FASTKD3: variants seen among roughly 807,000 people sequenced by gnomAD.
FASTKD3 encodes FAST kinase domain-containing protein 3, mitochondrial.
FASTKD3 carries 47 observed loss-of-function variants against 49.7 expected under a neutral mutation model. The observed-to-expected ratio is 0.95, with a 90% CI of 0.75 to 1.21. The LOEUF (loss-of-function observed/expected upper bound fraction) is 1.21. FASTKD3 is among the 50% of genes most tolerant of loss of function. FASTKD3 has a pLI of 0.00. For missense variants in FASTKD3, 748 were observed against 765.7 expected (o/e 0.98, Z 0.27); for synonymous variants, 284 against 288.6 (o/e 0.98, Z 0.16).
rs1183040382 is a variant in FASTKD3, at chr5:7,863,060, G to C, written c.1525-63C>G. The C allele has an allele frequency of 2.8e-6, 4 of 1,436,256 alleles. No homozygotes were observed. In the African/African-American group the frequency reaches 5.7e-5, roughly 20 times the overall value. The allele number at this position is 1,436,256 out of a possible 1,614,324, so 89.0% of individuals were successfully genotyped here. On this transcript the variant is annotated intron_variant, in intron 3 of 6. Transcript: ENST00000264669. The stretch of plus-strand genomic sequence containing the variant: ...AAGATATAACAACAGAGAATAAATT[G>C]AAGGTTACCTAGGTAGAAAAGTTTG...
At chr5:7,863,037 GAT>G in intron 3 of FASTKD3, 40 bp from the exon 4 acceptor site, 1 of 1,543,298 alleles carries the variant, frequency 6.5e-7, no homozygotes. Flanking sequence ...AGAAAAATAA[GAT>G]ATAACAACAG....
rs1746370439 is a variant in FASTKD3 at position 7,859,372 on chromosome 5, C to A, written c.*63G>T. Reference sequence around the variant, plus strand: ...AGTGGCTAATTCACATTATATTTTTCTTTTAATACTGAGTTCCATAAAAAT... The same window carrying A: ...AGTGGCTAATTCACATTATATTTTTATTTTAATACTGAGTTCCATAAAAAT... On this transcript the variant is annotated 3_prime_UTR_variant, in exon 7 of 7. Coordinates refer to ENST00000264669, the MANE Select transcript of FASTKD3 (RefSeq NM_024091.4). 2.0e-6 allele frequency: 2 copies of A among 994,412 alleles called. No individual in the cohort carries two copies. The highest frequency in any genetic ancestry group is 3.3e-5 in the African/African-American group (2 of 61,210). 61.6% of individuals were successfully genotyped at this position (994,412 alleles called of 1,614,324 possible).
At chr5:7,865,532 A>G (rs1746884226) in intron 3 of FASTKD3, among the ~76,000 whole-genome samples, 1 of 152,238 alleles carries the variant, frequency 6.6e-6, no homozygotes, top group Admixed American at 6.5e-5. Context: ...CTTGCAAATA[A>G]TTTAGGTATT....
chr5:7,867,400 C>A lies in FASTKD3; in HGVS notation c.684G>T (p.Leu228=), dbSNP rs1747055556. The A allele has an allele frequency of 6.2e-7, 1 of 1,614,186 alleles. No homozygotes were observed. The highest frequency in any genetic ancestry group is 2.2e-5 in the East Asian group (1 of 44,886). Residue 228 remains leucine (L), a synonymous_variant, in exon 2 of 7, where the codon CTG becomes CTT. Coordinates refer to ENST00000264669, the MANE Select transcript of FASTKD3 (RefSeq NM_024091.4). ...CTAGTGTCACACAACCTGAACTGTG[C>A]AGTGTAATCAGACTTTCCCCAAGAA... is the stretch of plus-strand genomic sequence containing the variant. ...LCILGESLIT[L]HSSGCVTLEL... is the part of the protein sequence containing the mutation.
At chr5:7,862,192 T>A (rs1254214739) in intron 4 of FASTKD3, 1 of 152,538 alleles carries the variant, frequency 6.6e-6, no homozygotes, top group African/African-American at 2.4e-5. Context: ...GCCTATGAAC[T>A]GCTGTCCTTT....
intron 4 of FASTKD3, chr5:7,861,862 G>T: frequency 2.9e-6 from 3 of 1,036,302 alleles, no homozygotes; most frequent in Non-Finnish European, 3.8e-6. Context: ...AATTAAGAAA[G>T]CTCAATAACG....
chr5:7,867,364 T>C lies in FASTKD3; in HGVS notation c.720A>G (p.Ile240Met). Reference sequence around the variant, plus strand: ...CCAATTTTTCACCTTGAAGTTGATTTATAATGAGTTCTAGTGTCACACAAC... The same window carrying C: ...CCAATTTTTCACCTTGAAGTTGATTCATAATGAGTTCTAGTGTCACACAAC... ...SSGCVTLELI[I>M]NQLQGEKLET... Residue 240 changes from isoleucine to methionine, a missense_variant, in exon 2 of 7, where the codon ATA becomes ATG. Ile to Met is a conservative substitution (Grantham distance 10, BLOSUM62 1). This residue lies in a region of FASTKD3 where 564 missense variants were observed against 562.8 expected (regional missense o/e 1.00). Coordinates refer to ENST00000264669, the MANE Select transcript of FASTKD3 (RefSeq NM_024091.4). 6.2e-7 allele frequency: 1 copy of C among 1,614,190 alleles called. No homozygotes were observed. Among genetic ancestry groups the C allele is most frequent in the South Asian group, 1.1e-5 (1 of 91,088 alleles).
At chr5:7,866,021 A>G in intron 2 of FASTKD3, 38 bp from the exon 3 acceptor site, 1 of 1,482,316 alleles carries the variant, frequency 6.7e-7, no homozygotes, top group South Asian at 1.1e-5. Context: ...TTACGTCTGA[A>G]TTGAGGTATG....
chr5:7,864,371 T>G (rs1040984171), intron 3 of FASTKD3, among the ~76,000 whole-genome samples: 1 of 152,114 alleles, frequency 6.6e-6, no homozygotes, highest in Non-Finnish European at 1.5e-5. Flanking sequence ...ATATTATTTT[T>G]AAAAATGTAA....
In FASTKD3 at chr5:7,866,583, TTGAAACCACTGCCAGTTC is replaced by T. The variant is rs1746966525; in HGVS notation, c.1438+45_1438+62del. ...GCAACATATTGCCTTTATATGTGACTTGAAACCACTGCCAGTTCAAAGGTTACTTTTTTCCAACTGTCA... is the reference window on the plus strand; with the variant it reads ...GCAACATATTGCCTTTATATGTGACTAAAGGTTACTTTTTTCCAACTGTCA... On this transcript the variant is annotated intron_variant, in intron 2 of 6. Transcript: ENST00000264669. The T allele has an allele frequency of 3.7e-4, 474 of 1,278,016 alleles. 5 individuals are homozygous for T. The South Asian group carries it at 6.4e-3, about 17-fold the overall frequency. The allele number at this position is 1,278,016 out of a possible 1,614,324, so 79.2% of individuals were successfully genotyped here. A position where few individuals can be genotyped will look rare whatever the true frequency, so the allele number is the denominator to read the frequency against.
At chr5:7,860,660 C>T (rs1451481390) in intron 6 of FASTKD3, among the ~76,000 whole-genome samples, 5 of 152,304 alleles carry the variant, frequency 3.3e-5, no homozygotes, top group African/African-American at 4.8e-5. Context: ...CCAGTTAGTA[C>T]TGTAAAAGCA....
In FASTKD3 at chr5:7,866,994, G is replaced by A. The variant is rs1747004286; in HGVS notation, c.1090C>T (p.Leu364Phe). The change falls in exon 2 of 7, where the codon CTC (leucine) becomes TTC (phenylalanine). Residue 364 changes from leucine (L) to phenylalanine (F), a missense_variant. Leu to Phe is a conservative substitution (Grantham distance 22). Coordinates refer to ENST00000264669, the MANE Select transcript of FASTKD3 (RefSeq NM_024091.4). ...CAGACAACTTCAGGATCCAACGTGA[G>A]GCACACCGCAGCTACACGATGCTCT... The part of the protein sequence containing the change: ...ALEHRVAAVC[L>F]TLDPEVVCRV... 2.5e-6 allele frequency: 4 copies of A among 1,614,146 alleles called. No homozygotes were observed. The highest frequency in any genetic ancestry group is 3.4e-6 in the Non-Finnish European group (4 of 1,180,022).
intron 2 of FASTKD3, 124 bp from the exon 3 acceptor site, chr5:7,866,107 A>G: frequency 1.4e-6 from 1 of 708,154 alleles, no homozygotes; most frequent in Non-Finnish European, 2.4e-6. Context: ...AAATGACACT[A>G]TGAAATGAAC....
In FASTKD3 at chr5:7,862,983, A is replaced by T. The variant is rs1380151195; in HGVS notation, c.1539T>A (p.Leu513=). ...ECPFYKGPKL[L]PKYQVKSFLT... The stretch of plus-strand genomic sequence containing the variant: ...GAAATGACTTCACTTGATATTTAGG[A>T]AGGAGTTTTGGACCCTAAAAAATCA... Residue 513 remains leucine, a synonymous_variant, in exon 4 of 7, where the codon CTT becomes CTA. Transcript: ENST00000264669. 5.6e-6 allele frequency: 9 copies of T among 1,613,756 alleles called. No homozygotes were observed. Among genetic ancestry groups the T allele is most frequent in the Non-Finnish European group, 7.6e-6 (9 of 1,179,812 alleles).
intron 2 of FASTKD3, 59 bp downstream of exon 2, chr5:7,866,587 A>C: frequency 7.7e-7 from 1 of 1,302,510 alleles, no homozygotes; most frequent in Non-Finnish European, 1.1e-6. Flanking sequence ...TGTGACTTGA[A>C]ACCACTGCCA....
At position 7,867,481 on chromosome 5, in the gene FASTKD3, C is replaced by G; in HGVS notation, c.603G>C (p.Val201=). ...DPQSSLLLNL[V]AECQNRLRKG... ...TTCTGAGACGATTTTGGCATTCTGC[C>G]ACCAGGTTCAGCAACAGGCTACTTT... The change falls in exon 2 of 7, where the codon GTG becomes GTC. Residue 201 remains valine (V), a synonymous_variant. Coordinates refer to ENST00000264669, the MANE Select transcript of FASTKD3 (RefSeq NM_024091.4). 1 of 1,614,210 alleles carries G rather than the reference C, an allele frequency of 6.2e-7. No individual in the cohort carries two copies. The highest frequency in any genetic ancestry group is 8.5e-7 in the Non-Finnish European group (1 of 1,180,042).
chr5:7,861,085 C>A, intron 6 of FASTKD3, 64 bp downstream of exon 6: 2 of 1,001,728 alleles, frequency 2.0e-6, no homozygotes, highest in East Asian at 2.4e-5. Flanking sequence ...TAAAAGTAAC[C>A]TGGAAAAATA....
intron 2 of FASTKD3, 74 bp downstream of exon 2, chr5:7,866,572 T>C (rs1422266820): frequency 2.6e-6 from 3 of 1,136,440 alleles, no homozygotes; most frequent in Non-Finnish European, 3.8e-6. Context: ...CATATTGCCT[T>C]TATATGTGAC....
At chr5:7,866,528 C>A (rs968063137) in intron 2 of FASTKD3, 118 bp downstream of exon 2, 7 of 761,912 alleles carry the variant, frequency 9.2e-6, no homozygotes, top group Non-Finnish European at 1.3e-5. Context: ...CAGGTCTCAT[C>A]TTCGGATCAC....
Sources: gnomAD v4.1 joint callset for allele counts (sites outside exome capture counted in the v4.1 genomes callset) on GRCh38, gnomAD v4.1.1 for gene constraint, gnomAD v4.1.1 regional missense constraint, MANE v1.5 for transcripts, NCBI Gene and HGNC (gene_info 2026-07-23, HGNC 2026-07-21) for gene names.